IGFL4: variants seen among roughly 807,000 people sequenced by gnomAD.
IGFL4 encodes IGF like family member 4.
In IGFL4, 12 loss-of-function variants were observed where a neutral mutation model predicts 15.4. That is an observed-to-expected ratio of 0.78 (90% confidence interval 0.50 to 1.26). The LOEUF is 1.26. IGFL4 is among the 50% of genes most tolerant of loss of function. The probability of loss-of-function intolerance (pLI) is 0.00; values close to 1 mark genes in which losing one functional copy is unlikely to be tolerated. For missense variants in IGFL4, 126 were observed against 147.8 expected, an observed-to-expected ratio of 0.85 and a Z score of 0.76; for synonymous variants, 54 against 55.9, an observed-to-expected ratio of 0.97 and a Z score of 0.16.
At chr19:46,075,263 G>T (rs1371495840) in intron 1 of IGFL4, among the ~76,000 whole-genome samples, 1 of 152,082 alleles carries the variant, frequency 6.6e-6, no homozygotes, top group Non-Finnish European at 1.5e-5. Flanking sequence ...GTTTATCTAG[G>T]TTTTCTTCAT....
At chr19:46,067,159 A>G (rs893521630) in intron 1 of IGFL4, among the ~76,000 whole-genome samples, 3 of 152,190 alleles carry the variant, frequency 2.0e-5, no homozygotes, top group African/African-American at 4.8e-5. Flanking sequence ...CTTCAAAGCC[A>G]CAGCAAACAG....
chr19:46,046,289 AG>A (rs1969296965), intron 2 of IGFL4, among the ~76,000 whole-genome samples: 1 of 152,250 alleles, frequency 6.6e-6, no homozygotes, highest in African/African-American at 2.4e-5. Flanking sequence ...AACCTTTACC[AG>A]CCACTACAAA....
intron 1 of IGFL4, among the ~76,000 whole-genome samples, chr19:46,068,807 T>C (rs1056882646): frequency 2.6e-5 from 4 of 152,204 alleles, no homozygotes; most frequent in Admixed American, 2.6e-4. Flanking sequence ...ACTCAGGCAT[T>C]TCTGGCCCCA....
chr19:46,043,883 T>C (rs898561891), upstream of IGFL4, among the ~76,000 whole-genome samples: 5 of 152,048 alleles, frequency 3.3e-5, no homozygotes, highest in African/African-American at 1.2e-4. Flanking sequence ...ACAAAAAACA[T>C]TGTCCATTTA....
chr19:46,044,375 G>A (rs1197541708), upstream of IGFL4, among the ~76,000 whole-genome samples: 1 of 152,146 alleles, frequency 6.6e-6, no homozygotes, highest in East Asian at 1.9e-4. Flanking sequence ...TGAATCCAGA[G>A]AACCAAGCAG....
intron 3 of IGFL4, 43 bp from the exon 4 acceptor site, chr19:46,039,979 T>A: frequency 1.3e-6 from 2 of 1,542,262 alleles, no homozygotes; most frequent in Non-Finnish European, 1.8e-6. Context: ...AGAGGGAGGG[T>A]GGTAGCAGCA....
intron 1 of IGFL4, among the ~76,000 whole-genome samples, chr19:46,066,099 G>A (rs754137304): frequency 6.6e-6 from 1 of 152,166 alleles, no homozygotes; most frequent in Non-Finnish European, 1.5e-5. Flanking sequence ...GGTGAAGCGT[G>A]AGCTTGTAAA....
rs1373038124 is a variant in IGFL4 at position 46,040,462 on chromosome 19, C to T, written c.71-46G>A. On this transcript the variant is annotated intron_variant, in intron 2 of 3. Transcript: ENST00000377697. This position sits in a 1 kb window ranked among gnomAD's most constrained non-coding sequence, Gnocchi z 4.1. ...TGGGCTGCAAGGACCAGCCTAGGAC[C>T]ACCTCCCCACCAACCTTAATGCTGT... 5 of 1,613,740 alleles carry T rather than the reference C, an allele frequency of 3.1e-6. No individual in the cohort carries two copies. Among genetic ancestry groups the T allele is most frequent in the Non-Finnish European group, 3.4e-6 (4 of 1,179,728 alleles).
intron 2 of IGFL4, among the ~76,000 whole-genome samples, chr19:46,056,366 T>C (rs1036237936): frequency 7.2e-5 from 11 of 152,210 alleles, no homozygotes; most frequent in Admixed American, 2.0e-4. Flanking sequence ...GAAAGTTCCA[T>C]TGGACAGCTA....
upstream of IGFL4, among the ~76,000 whole-genome samples, chr19:46,041,589 C>A (rs1568709583): frequency 1.4e-5 from 2 of 141,268 alleles, no homozygotes; most frequent in African/African-American, 5.2e-5. Context: ...AAAGCAGCAC[C>A]TTTTTTTTTT....
At chr19:46,067,080 C>A (rs1969502258) in intron 1 of IGFL4, among the ~76,000 whole-genome samples, 1 of 152,118 alleles carries the variant, frequency 6.6e-6, no homozygotes, top group African/African-American at 2.4e-5. Context: ...CTCACAGGGG[C>A]TTCAAGCTTC....
At chr19:46,077,281 T>C (rs960661503), upstream of IGFL4, among the ~76,000 whole-genome samples, 1 of 152,170 alleles carries the variant, frequency 6.6e-6, no homozygotes, top group Non-Finnish European at 1.5e-5. The surrounding 1 kb of genome is among the most constrained non-coding windows in gnomAD (Gnocchi z 5.4). Flanking sequence ...GGGTGTGACT[T>C]GGAATCTCAG....
chr19:46,055,708 T>C (rs1969386571), intron 2 of IGFL4, among the ~76,000 whole-genome samples: 2 of 152,240 alleles, frequency 1.3e-5, no homozygotes, highest in Admixed American at 1.3e-4. Flanking sequence ...ATTTACACTT[T>C]GTTCTCAATA....
chr19:46,067,944 C>T (rs185157804), intron 1 of IGFL4, among the ~76,000 whole-genome samples: 76 of 152,308 alleles, frequency 5.0e-4, no homozygotes, highest in African/African-American at 1.7e-3. Flanking sequence ...TGATGACAAA[C>T]ATTCTTTGGT....
At chr19:46,073,341 G>A (rs1178894397) in intron 1 of IGFL4, among the ~76,000 whole-genome samples, 3 of 152,120 alleles carry the variant, frequency 2.0e-5, no homozygotes, top group African/African-American at 7.2e-5. Flanking sequence ...CCTTATTCTT[G>A]TAATTGCAAT....
intron 1 of IGFL4, among the ~76,000 whole-genome samples, chr19:46,064,237 A>T (rs1371850273): frequency 6.6e-6 from 1 of 152,154 alleles, no homozygotes; most frequent in East Asian, 1.9e-4. Context: ...TAATACAAGC[A>T]TGCAATGCAT....
At chr19:46,046,854 A>G (rs769011041) in intron 2 of IGFL4, among the ~76,000 whole-genome samples, 4 of 152,234 alleles carry the variant, frequency 2.6e-5, no homozygotes, top group Non-Finnish European at 4.4e-5. Context: ...TCGAGACAGA[A>G]AATTAACAAA....
intron 2 of IGFL4, chr19:46,058,791 TG>T (rs752869634): frequency 3.3e-5 from 5 of 152,380 alleles, no homozygotes; most frequent in African/African-American, 9.6e-5. Context: ...AGCTGTACCT[TG>T]GCCCCTTTTA....
chr19:46,046,910 G>T (rs1349937511), intron 2 of IGFL4, among the ~76,000 whole-genome samples: 1 of 152,184 alleles, frequency 6.6e-6, no homozygotes, highest in African/African-American at 2.4e-5. Context: ...GGACCTGATA[G>T]ATATCTACAG....
Sources: gnomAD v4.1 joint callset for allele counts (sites outside exome capture counted in the v4.1 genomes callset) on GRCh38, gnomAD v4.1.1 for gene constraint, Gnocchi (gnomAD v3.1) non-coding constraint, MANE v1.5 for transcripts, NCBI Gene and HGNC (gene_info 2026-07-23, HGNC 2026-07-21) for gene names.